The following XPO5 variants were observed in gnomAD, a reference collection of about 807,000 sequenced individuals.
The protein encoded by XPO5 is exportin-5.
XPO5 carries 46 observed loss-of-function variants against 160.6 expected under a neutral mutation model. The observed-to-expected ratio is 0.29, with a 90% CI of 0.23 to 0.37. XPO5 has a LOEUF of 0.37. Among genes scored for constraint, XPO5 ranks in the 10% least tolerant of loss-of-function variants. XPO5 has a pLI of 1.00. For missense variants in XPO5, 1,090 were observed against 1,463.9 expected, an observed-to-expected ratio of 0.74 and a Z score of 4.17; for synonymous variants, 537 against 519.3, an observed-to-expected ratio of 1.03 and a Z score of -0.46.
At chr6:43,555,682 C>T in intron 13 of XPO5, 154 bp downstream of exon 13, 1 of 830,064 alleles carries the variant, frequency 1.2e-6, no homozygotes, top group Non-Finnish European at 1.7e-6. Context: ...TTGTGTCAGC[C>T]AATGAAAACG....
chr6:43,545,290 G>A (rs1561874211), intron 20 of XPO5, among the ~76,000 whole-genome samples: 2 of 152,208 alleles, frequency 1.3e-5, no homozygotes, highest in Non-Finnish European at 2.9e-5. Context: ...GGTCTTGGGT[G>A]TCTATTCCCA....
At chr6:43,527,784 AG>A in intron 25 of XPO5, 53 bp from the exon 26 acceptor site, 1 of 1,591,110 alleles carries the variant, frequency 6.3e-7, no homozygotes, top group Non-Finnish European at 8.6e-7. Context: ...AGGAAGGACA[AG>A]GAAAGCAGCG....
chr6:43,566,245 T>C (rs527337220), intron 7 of XPO5, among the ~76,000 whole-genome samples: 3 of 152,012 alleles, frequency 2.0e-5, no homozygotes, highest in Admixed American at 2.0e-4. Flanking sequence ...AATACAAAAA[T>C]TAGCTGGGTG....
intron 20 of XPO5, chr6:43,538,796 C>A: frequency 8.9e-6 from 7 of 783,694 alleles, no homozygotes; most frequent in East Asian, 2.7e-5. Context: ...ACGCTTAATT[C>A]ACTTTATTTT....
intron 20 of XPO5, among the ~76,000 whole-genome samples, chr6:43,543,500 G>C (rs935352585): frequency 6.6e-6 from 1 of 151,978 alleles, no homozygotes; most frequent in Non-Finnish European, 1.5e-5. Flanking sequence ...AATCAGAATA[G>C]TAGTTATCTT....
chr6:43,568,964 T>C (rs928601836), intron 5 of XPO5, among the ~76,000 whole-genome samples: 4 of 152,216 alleles, frequency 2.6e-5, no homozygotes, highest in African/African-American at 7.2e-5. Flanking sequence ...AACATGTATG[T>C]ATAGCCTAAG....
At chr6:43,574,223 A>T (rs946071951) in intron 1 of XPO5, among the ~76,000 whole-genome samples, 4 of 151,914 alleles carry the variant, frequency 2.6e-5, no homozygotes, top group Non-Finnish European at 4.4e-5. Flanking sequence ...GAATCACTTG[A>T]GCTCGAGAAA....
At chr6:43,572,830 C>G (rs985651889) in intron 2 of XPO5, among the ~76,000 whole-genome samples, 2 of 152,198 alleles carry the variant, frequency 1.3e-5, no homozygotes, top group African/African-American at 4.8e-5. Context: ...TTGTACCACA[C>G]GTCAGCTTTG....
At chr6:43,571,045 T>C in intron 3 of XPO5, 51 bp from the exon 4 acceptor site, 2 of 1,562,294 alleles carry the variant, frequency 1.3e-6, no homozygotes, top group East Asian at 2.3e-5. Flanking sequence ...GATTCCAGAC[T>C]TCCAGAAAAA....
At chr6:43,538,907 T>C in intron 20 of XPO5, 3 of 1,218,322 alleles carry the variant, frequency 2.5e-6, no homozygotes, top group South Asian at 1.2e-5. Context: ...GAATTCCTGA[T>C]AGGGAGACTT....
At chr6:43,562,542 G>A (rs1762468508) in intron 8 of XPO5, 196 bp from the exon 9 acceptor site, 1 of 533,168 alleles carries the variant, frequency 1.9e-6, no homozygotes, top group Admixed American at 3.2e-5. Flanking sequence ...AATGATATAG[G>A]ACTATTCACA....
At chr6:43,539,561 C>T (rs1203307411) in intron 20 of XPO5, 22 of 1,375,166 alleles carry the variant, frequency 1.6e-5, no homozygotes, top group East Asian at 4.6e-5. Context: ...GCGAGCTCCG[C>T]GGCCTCAGCC....
intron 23 of XPO5, among the ~76,000 whole-genome samples, chr6:43,529,923 A>AAG (rs1306780071): frequency 6.6e-6 from 1 of 151,662 alleles, no homozygotes; most frequent in East Asian, 1.9e-4. Context: ...AAAAAAAAAA[A>AAG]AAAAGTGCTT....
chr6:43,575,158 T>C (rs923196484), intron 1 of XPO5, among the ~76,000 whole-genome samples: 1 of 152,244 alleles, frequency 6.6e-6, no homozygotes, highest in Non-Finnish European at 1.5e-5. Flanking sequence ...GTAGAAGTTA[T>C]CTTTGCGCAA....
rs538415869 is a variant in XPO5 at position 43,522,633 on chromosome 6, T to G, written c.*1235A>C. ...CAACTTCTGCTTCCCCAGCTTTGCTTCTTCTCAATCTGACCCTGCCTGTGG... is the reference window on the plus strand; with the variant it reads ...CAACTTCTGCTTCCCCAGCTTTGCTGCTTCTCAATCTGACCCTGCCTGTGG... On this transcript the variant is annotated 3_prime_UTR_variant, in exon 32 of 32. Coordinates refer to ENST00000265351, the MANE Select transcript of XPO5 (RefSeq NM_020750.3). 7.5e-5 allele frequency: 31 copies of G among 413,866 alleles called. No individual in the cohort carries two copies. Among genetic ancestry groups the G allele is most frequent in the Admixed American group, 2.5e-4 (10 of 39,578 alleles). The allele number at this position is 413,866 out of a possible 1,614,324, so 25.6% of individuals were successfully genotyped here.
At chr6:43,567,102 T>G in intron 7 of XPO5, 67 bp downstream of exon 7, 1 of 1,456,850 alleles carries the variant, frequency 6.9e-7, no homozygotes, top group East Asian at 2.4e-5. Flanking sequence ...TGCCACAACA[T>G]GCAATTAAAC....
chr6:43,553,697 T>C (rs1379369470), intron 13 of XPO5, 194 bp from the exon 14 acceptor site: 2 of 1,247,814 alleles, frequency 1.6e-6, no homozygotes, highest in South Asian at 2.1e-5. Context: ...AGCAATGAGG[T>C]AGGTGAAGGT....
Position 43,572,596 on chromosome 6 carries a change from TAA to T in XPO5, c.228-20_228-19del. 1 of 1,613,332 alleles carries T rather than the reference TAA, an allele frequency of 6.2e-7. No individual in the cohort carries two copies. The highest frequency in any genetic ancestry group is 8.5e-7 in the Non-Finnish European group (1 of 1,179,364). Reference sequence around the variant, plus strand: ...ACCGAAACCTGACCACCAAAATGCATAAAGTCAATAGAACCACTTTAGAAGTC... The same window carrying T: ...ACCGAAACCTGACCACCAAAATGCATAGTCAATAGAACCACTTTAGAAGTC... On this transcript the variant is annotated intron_variant, in intron 2 of 31. Transcript: ENST00000265351.
intron 12 of XPO5, among the ~76,000 whole-genome samples, chr6:43,556,390 T>G (rs1006847068): frequency 1.3e-5 from 2 of 151,976 alleles, no homozygotes; most frequent in African/African-American, 4.8e-5. Context: ...CCAGGTGTGG[T>G]GGCATGCTCC....
Sources: allele counts gnomAD v4.1 joint callset (sites outside exome capture counted in the v4.1 genomes callset), GRCh38; gene constraint gnomAD v4.1.1; transcripts MANE v1.5; gene names NCBI Gene and HGNC (gene_info 2026-07-23, HGNC 2026-07-21).